The following GSG1L variants were observed in gnomAD, a reference collection of about 807,000 sequenced individuals.
The protein encoded by GSG1L is GSG1 like, also known as germ cell-specific gene 1-like protein.
A neutral mutation model predicts 42.1 loss-of-function variants in GSG1L; 24 were observed. That is an observed-to-expected ratio of 0.57 (90% CI 0.41 to 0.80). GSG1L has a LOEUF of 0.80. GSG1L is among the 30% of genes least tolerant of loss of function. GSG1L has a pLI of 0.00. For synonymous variants in GSG1L, 215 were observed against 203.5 expected (o/e 1.06, Z -0.48); for missense variants, 445 against 472.2 (o/e 0.94, Z 0.53).
chr16:27,804,037 G>GGATAGATAGATAGA (rs2082924411), intron 6 of GSG1L, among the ~76,000 whole-genome samples: 1 of 132,676 alleles, frequency 7.5e-6, no homozygotes, highest in African/African-American at 3.1e-5. Context: ...TAGATTAGAT[G>GGATAGATAGATAGA]GATAGATAGA....
At chr16:27,987,304 T>C (rs2085396708) in intron 1 of GSG1L, among the ~76,000 whole-genome samples, 1 of 152,156 alleles carries the variant, frequency 6.6e-6, no homozygotes, top group Non-Finnish European at 1.5e-5. Flanking sequence ...AATGCAGATA[T>C]TTTCGCCTGG....
intron 2 of GSG1L, among the ~76,000 whole-genome samples, chr16:27,909,936 T>C (rs1401801543): frequency 6.6e-6 from 1 of 151,300 alleles, no homozygotes; most frequent in Non-Finnish European, 1.5e-5. Flanking sequence ...AGTAATTAAA[T>C]GATGTGCATC....
intron 2 of GSG1L, among the ~76,000 whole-genome samples, chr16:27,894,799 A>C (rs1414491375): frequency 6.6e-6 from 1 of 152,182 alleles, no homozygotes; most frequent in East Asian, 1.9e-4. Context: ...AGGAGTCAGG[A>C]CTTTCCCATG....
intron 1 of GSG1L, among the ~76,000 whole-genome samples, chr16:27,966,002 A>T (rs1477591944): frequency 6.7e-6 from 1 of 149,600 alleles, no homozygotes; most frequent in African/African-American, 2.5e-5. Context: ...TGCTCACTCC[A>T]CTCCTGTCAT....
Position 28,033,382 on chromosome 16 carries a change from A to G in GSG1L, c.349+29694T>C, listed in dbSNP as rs532488932. Among the ~76,000 whole-genome samples the G allele has an allele frequency of 1.1e-3, 163 of 152,374 alleles. 1 individual carries two copies. Among genetic ancestry groups the G allele is most frequent in the African/African-American group, 3.5e-3 (144 of 41,590 alleles). On this transcript the variant is annotated intron_variant, in intron 1 of 6. Transcript: ENST00000447459. ...GAAATATTAACAGATGAATTCTTTA[A>G]AATGCCACCAGCGGTTGCCCCTGGG...
At chr16:27,969,093 A>G (rs2141113909) in intron 1 of GSG1L, among the ~76,000 whole-genome samples, 1 of 152,290 alleles carries the variant, frequency 6.6e-6, no homozygotes, top group South Asian at 2.1e-4. Context: ...TGGGCGACAG[A>G]GTGAGACTCA....
chr16:27,885,111 C>A (rs1173770640), intron 2 of GSG1L, among the ~76,000 whole-genome samples: 1 of 152,080 alleles, frequency 6.6e-6, no homozygotes, highest in East Asian at 1.9e-4. Flanking sequence ...GTGTTACCTC[C>A]AACTATACAT....
At chr16:27,870,070 T>G (rs1352113113) in intron 3 of GSG1L, among the ~76,000 whole-genome samples, 1 of 148,718 alleles carries the variant, frequency 6.7e-6, no homozygotes, top group Non-Finnish European at 1.5e-5. Context: ...CCTCTCTCCA[T>G]CTCTCTTTCC....
chr16:27,818,579 T>G (rs2083120679), intron 5 of GSG1L, among the ~76,000 whole-genome samples: 1 of 152,028 alleles, frequency 6.6e-6, no homozygotes, highest in Non-Finnish European at 1.5e-5. Flanking sequence ...GAGCTGTGAT[T>G]GAACATGTCT....
chr16:27,907,488 G>A (rs1235439933), intron 2 of GSG1L, among the ~76,000 whole-genome samples: 6 of 152,192 alleles, frequency 3.9e-5, no homozygotes, highest in African/African-American at 7.2e-5. Context: ...TCATTTCTTA[G>A]TCTCCCTCTG....
chr16:28,015,781 A>C (rs1196967688), intron 1 of GSG1L, among the ~76,000 whole-genome samples: 1 of 152,182 alleles, frequency 6.6e-6, no homozygotes, highest in East Asian at 1.9e-4. Flanking sequence ...GACTTGAAAA[A>C]CTGAAGAAAA....
chr16:27,875,009 G>T (rs1007756705), intron 3 of GSG1L, among the ~76,000 whole-genome samples: 1 of 152,146 alleles, frequency 6.6e-6, no homozygotes, highest in Non-Finnish European at 1.5e-5. Flanking sequence ...AGACCAGCTG[G>T]TGTCAGAATC....
At chr16:27,937,353 C>T (rs188624605) in intron 2 of GSG1L, among the ~76,000 whole-genome samples, 7 of 152,126 alleles carry the variant, frequency 4.6e-5, no homozygotes, top group South Asian at 2.1e-4. Context: ...GTGATTCTCC[C>T]GCCTCAGCCT....
intron 3 of GSG1L, among the ~76,000 whole-genome samples, chr16:27,881,696 A>G (rs910271181): frequency 5.9e-5 from 9 of 152,148 alleles, no homozygotes; most frequent in African/African-American, 2.2e-4. Context: ...ATTTTATGTT[A>G]GAAAAATAAA....
At chr16:27,973,998 C>T (rs1165858699) in intron 1 of GSG1L, among the ~76,000 whole-genome samples, 2 of 152,126 alleles carry the variant, frequency 1.3e-5, no homozygotes, top group Non-Finnish European at 2.9e-5. Flanking sequence ...CTTGAAGATG[C>T]CCTTTCTCCC....
chr16:27,797,011 C>T (rs2082824953), intron 6 of GSG1L, among the ~76,000 whole-genome samples: 1 of 152,192 alleles, frequency 6.6e-6, no homozygotes, highest in African/African-American at 2.4e-5. Flanking sequence ...TGCCAGGAAC[C>T]ATTCAATGTG....
At chr16:27,797,840 A>G (rs2144401494) in intron 6 of GSG1L, among the ~76,000 whole-genome samples, 1 of 151,320 alleles carries the variant, frequency 6.6e-6, no homozygotes, top group Admixed American at 6.6e-5. Context: ...AAAAAAAAAA[A>G]AAAGAGAGAG....
chr16:28,007,223 G>GT (rs2085651445), intron 1 of GSG1L, among the ~76,000 whole-genome samples: 1 of 152,186 alleles, frequency 6.6e-6, no homozygotes, highest in East Asian at 1.9e-4. Context: ...TGGGTCCGAA[G>GT]TAATCACCAG....
At chr16:27,900,097 T>C (rs2084238880) in intron 2 of GSG1L, among the ~76,000 whole-genome samples, 1 of 152,150 alleles carries the variant, frequency 6.6e-6, no homozygotes, top group African/African-American at 2.4e-5. Context: ...CAATCTCACC[T>C]GAAAAACAGC....
Sources: gnomAD v4.1 joint callset for allele counts (sites outside exome capture counted in the v4.1 genomes callset) on GRCh38, gnomAD v4.1.1 for gene constraint, MANE v1.5 for transcripts, NCBI Gene and HGNC (gene_info 2026-07-23, HGNC 2026-07-21) for gene names.